PTPRG: variants seen among roughly 807,000 people sequenced by gnomAD.
PTPRG encodes protein tyrosine phosphatase receptor type G.
PTPRG carries 102 observed loss-of-function variants against 165.3 expected under a neutral mutation model. That is an observed-to-expected ratio of 0.62 (90% CI 0.53 to 0.73). The LOEUF is 0.73. Ranked by LOEUF, PTPRG falls within the 30% of genes least tolerant of loss-of-function variation. The pLI, the probability that PTPRG is intolerant of heterozygous loss-of-function variation, is 0.00. For synonymous variants in PTPRG, 675 were observed against 669.5 expected (o/e 1.01, Z -0.13); for missense variants, 1,866 against 1,861.4 (o/e 1.00, Z -0.05).
intron 2 of PTPRG, among the ~76,000 whole-genome samples, chr3:61,982,462 A>G (rs2040662749): frequency 6.6e-6 from 1 of 152,164 alleles, no homozygotes; most frequent in Admixed American, 6.5e-5. Flanking sequence ...ATACACCTAA[A>G]CATGCATAGG....
intron 2 of PTPRG, among the ~76,000 whole-genome samples, chr3:61,909,439 T>C (rs1275651062): frequency 6.6e-6 from 1 of 152,166 alleles, no homozygotes; most frequent in Non-Finnish European, 1.5e-5. Flanking sequence ...AGCCTTAACT[T>C]CTTGGGGCCA....
At chr3:61,787,147 T>G (rs2034729335) in intron 2 of PTPRG, among the ~76,000 whole-genome samples, 1 of 152,214 alleles carries the variant, frequency 6.6e-6, no homozygotes, top group South Asian at 2.1e-4. Flanking sequence ...TATTAATATT[T>G]CGTTGAGTTG....
At chr3:62,268,852 T>C (rs556118045) in intron 19 of PTPRG, among the ~76,000 whole-genome samples, 183 bp from the exon 20 acceptor site, 4 of 152,288 alleles carry the variant, frequency 2.6e-5, no homozygotes, top group Non-Finnish European at 4.4e-5. Flanking sequence ...CACAAACTTA[T>C]CCCAAGCCAT....
chr3:62,171,674 AT>A (rs1007650416), intron 8 of PTPRG, among the ~76,000 whole-genome samples: 75 of 146,530 alleles, frequency 5.1e-4, no homozygotes, highest in African/African-American at 1.5e-3. Flanking sequence ...TCAGTAGGTC[AT>A]TTTTTTTTTA....
chr3:62,256,304 C>A (rs185357773), intron 16 of PTPRG, among the ~76,000 whole-genome samples: 1 of 152,192 alleles, frequency 6.6e-6, no homozygotes, highest in East Asian at 1.9e-4. Context: ...CCTGTCTATG[C>A]AAATTTAGAA....
At chr3:62,184,838 C>G (rs1042751231) in intron 8 of PTPRG, among the ~76,000 whole-genome samples, 1 of 152,206 alleles carries the variant, frequency 6.6e-6, no homozygotes, top group Admixed American at 6.5e-5. Flanking sequence ...AGTACTGTCT[C>G]TTTGACTCCT....
At chr3:62,142,660 G>A (rs147417632) in intron 6 of PTPRG, among the ~76,000 whole-genome samples, 68 of 152,262 alleles carry the variant, frequency 4.5e-4, no homozygotes, top group African/African-American at 1.5e-3. Context: ...GACAGGCTGT[G>A]TGTTCTCTCC....
chr3:62,043,113 A>T (rs1211544842), intron 4 of PTPRG, among the ~76,000 whole-genome samples: 1 of 152,222 alleles, frequency 6.6e-6, no homozygotes, highest in Non-Finnish European at 1.5e-5. Flanking sequence ...TTTAACAGAC[A>T]GAAGGCATGA....
chr3:62,086,107 T>G (rs2661887), intron 5 of PTPRG, among the ~76,000 whole-genome samples: 49,772 of 152,018 alleles, frequency 0.33, 10,261 homozygotes, highest in African/African-American at 0.59. Flanking sequence ...GGACTCTTCT[T>G]TCTCCATTTT....
intron 3 of PTPRG, among the ~76,000 whole-genome samples, chr3:61,999,775 A>C (rs1353675902): frequency 6.6e-6 from 1 of 152,204 alleles, no homozygotes; most frequent in Non-Finnish European, 1.5e-5. Context: ...TCCATAATCT[A>C]CAAAAATAAA....
chr3:61,939,558 T>C (rs1278644386), intron 2 of PTPRG, among the ~76,000 whole-genome samples: 1 of 152,218 alleles, frequency 6.6e-6, no homozygotes, highest in Non-Finnish European at 1.5e-5. Context: ...AGGTGCTGCA[T>C]TTTGGGAGAA....
chr3:61,904,407 C>T (rs997067518), intron 2 of PTPRG, among the ~76,000 whole-genome samples: 3 of 152,128 alleles, frequency 2.0e-5, no homozygotes, highest in Non-Finnish European at 4.4e-5. Context: ...GTTTTTATGT[C>T]ATTTGACTAA....
intron 5 of PTPRG, among the ~76,000 whole-genome samples, chr3:62,104,954 A>G (rs557733145): frequency 1.3e-5 from 2 of 152,296 alleles, no homozygotes; most frequent in East Asian, 3.9e-4. Context: ...AGGTAATAGG[A>G]TACATTTTTA....
intron 2 of PTPRG, among the ~76,000 whole-genome samples, chr3:61,801,770 G>A (rs770049272): frequency 2.0e-5 from 3 of 152,108 alleles, no homozygotes; most frequent in Admixed American, 6.5e-5. Flanking sequence ...GGGAATGTTT[G>A]GAAGAACTTT....
chr3:61,946,013 TC>T (rs2107615165), intron 2 of PTPRG, among the ~76,000 whole-genome samples: 1 of 151,862 alleles, frequency 6.6e-6, no homozygotes, highest in Non-Finnish European at 1.5e-5. Context: ...TCATTTTTTT[TC>T]TTTACTATTA....
intron 2 of PTPRG, among the ~76,000 whole-genome samples, chr3:61,835,241 C>T (rs2036423878): frequency 6.6e-6 from 1 of 152,236 alleles, no homozygotes; most frequent in African/African-American, 2.4e-5. Flanking sequence ...GAGAAAAGGG[C>T]TTAGGTTATT....
chr3:61,748,986 A>T lies in PTPRG; in HGVS notation c.190+4A>T. On this transcript the variant is annotated splice_donor_region_variant and intron_variant, in intron 2 of 29. Coordinates refer to ENST00000474889, the MANE Select transcript of PTPRG (RefSeq NM_002841.4). ...GACCCGTACTGGGCCTACTCTGGTA[A>T]GTCCAGTTGTTCTAATGGAGATCAC... 6.2e-7 allele frequency: 1 copy of T among 1,608,132 alleles called. No individual in the cohort carries two copies. The highest frequency in any genetic ancestry group is 8.5e-7 in the Non-Finnish European group (1 of 1,175,600).
intron 3 of PTPRG, among the ~76,000 whole-genome samples, chr3:61,996,578 G>T (rs186183305): frequency 6.6e-6 from 1 of 152,144 alleles, no homozygotes; most frequent in Admixed American, 6.5e-5. Context: ...TATATTGGGC[G>T]TGTCTAATAT....
intron 2 of PTPRG, among the ~76,000 whole-genome samples, chr3:61,867,857 A>G (rs1290814602): frequency 6.6e-6 from 1 of 152,164 alleles, no homozygotes; most frequent in Non-Finnish European, 1.5e-5. Context: ...CTAGAGTCTC[A>G]TGTGGTGTGT....
Sources: gnomAD v4.1 joint callset for allele counts (sites outside exome capture counted in the v4.1 genomes callset) on GRCh38, gnomAD v4.1.1 for gene constraint, MANE v1.5 for transcripts, NCBI Gene and HGNC (gene_info 2026-07-23, HGNC 2026-07-21) for gene names.